The following ZNF385D variants were observed in gnomAD, a reference collection of about 807,000 sequenced individuals.
The protein encoded by ZNF385D is zinc finger protein 659.
ZNF385D carries 15 observed loss-of-function variants against 35.8 expected under a neutral mutation model. The observed-to-expected ratio is 0.42, with a 90% CI of 0.28 to 0.64. The LOEUF (loss-of-function observed/expected upper bound fraction) is 0.64, where lower values mean the gene tolerates loss of function less well. Among genes scored for constraint, ZNF385D ranks in the 30% least tolerant of loss-of-function variants. The pLI is 0.23. For missense variants in ZNF385D, 474 were observed against 494.6 expected (o/e 0.96, Z 0.39); for synonymous variants, 212 against 186.8 (o/e 1.13, Z -1.10).
In ZNF385D at chr3:22,096,897, G is replaced by C. The variant is rs530842514; in HGVS notation, c.325+71920C>G. ...TGATTTGTGACTGATTGACCAAAAA[G>C]ACACAGCTGAAATGACCTAATGTCA... On this transcript the variant is annotated intron_variant, in intron 3 of 5. Transcript: ENST00000494108. Among the ~76,000 whole-genome samples, 5 of 152,122 alleles carry C rather than the reference G, an allele frequency of 3.3e-5. No individual in the cohort carries two copies. In the South Asian group the frequency reaches 8.3e-4, roughly 25 times the overall value.
intron 3 of ZNF385D, among the ~76,000 whole-genome samples, chr3:22,143,979 T>C (rs1031173841): frequency 2.0e-5 from 3 of 152,328 alleles, no homozygotes; most frequent in African/African-American, 4.8e-5. Flanking sequence ...AAGTAAGTAT[T>C]GTCAGCTACA....
intron 3 of ZNF385D, among the ~76,000 whole-genome samples, chr3:21,998,665 C>G (rs1466966106): frequency 6.6e-6 from 1 of 152,130 alleles, no homozygotes; most frequent in African/African-American, 2.4e-5. Context: ...ATATTTTGAA[C>G]CTATGTTAAT....
chr3:22,142,590 A>C (rs945122272), intron 3 of ZNF385D, among the ~76,000 whole-genome samples: 1 of 152,128 alleles, frequency 6.6e-6, no homozygotes, highest in South Asian at 2.1e-4. Context: ...GGTGGTCTCC[A>C]ACCCGAGAAA....
intron 4 of ZNF385D, among the ~76,000 whole-genome samples, chr3:21,464,758 A>ACACACACACACACACACACT (rs1265231237): frequency 2.6e-5 from 4 of 152,152 alleles, no homozygotes; most frequent in African/African-American, 9.7e-5. Flanking sequence ...ACACACACAC[A>ACACACACACACACACACACT]CTTATGCAAC....
At chr3:21,895,443 C>A (rs1490795722) in intron 3 of ZNF385D, among the ~76,000 whole-genome samples, 2 of 149,670 alleles carry the variant, frequency 1.3e-5, no homozygotes, top group Admixed American at 1.3e-4. Flanking sequence ...TCTCCTGCCT[C>A]AGCCTCCTGA....
At chr3:22,118,999 T>C (rs888044421) in intron 3 of ZNF385D, among the ~76,000 whole-genome samples, 1 of 152,134 alleles carries the variant, frequency 6.6e-6, no homozygotes, top group Non-Finnish European at 1.5e-5. Flanking sequence ...TCACCTGCTA[T>C]TGTACTGTTT....
At chr3:21,854,721 A>C (rs1030488264) in intron 3 of ZNF385D, among the ~76,000 whole-genome samples, 1 of 151,872 alleles carries the variant, frequency 6.6e-6, no homozygotes, top group Non-Finnish European at 1.5e-5. Flanking sequence ...TTTCCATTTC[A>C]GTTCCCAGGG....
intron 3 of ZNF385D, among the ~76,000 whole-genome samples, chr3:22,048,469 C>A (rs1374965623): frequency 2.6e-5 from 4 of 152,090 alleles, no homozygotes; most frequent in Admixed American, 6.6e-5. Flanking sequence ...ATGTGAATGT[C>A]AAGTTTTCCC....
intron 2 of ZNF385D, among the ~76,000 whole-genome samples, chr3:22,346,490 T>A (rs1695665283): frequency 6.6e-6 from 1 of 152,204 alleles, no homozygotes; most frequent in Non-Finnish European, 1.5e-5. Flanking sequence ...TTTCATTTTA[T>A]CCCAAGAACA....
chr3:22,277,332 C>T (rs752135090), intron 2 of ZNF385D, among the ~76,000 whole-genome samples: 10 of 151,912 alleles, frequency 6.6e-5, no homozygotes, highest in Non-Finnish European at 1.3e-4. Context: ...AAAAGAATCC[C>T]TAGACACAAC....
chr3:22,103,334 A>T (rs1299720039), intron 3 of ZNF385D, among the ~76,000 whole-genome samples: 1 of 151,944 alleles, frequency 6.6e-6, no homozygotes, highest in Non-Finnish European at 1.5e-5. Flanking sequence ...AAACACAGTA[A>T]TTTTTCAGTC....
Position 21,941,335 on chromosome 3 carries a change from G to GAGT in ZNF385D, c.325+227479_325+227481dup, listed in dbSNP as rs1194149228. Among the ~76,000 whole-genome samples, 26 of 152,064 alleles carry GAGT rather than the reference G, an allele frequency of 1.7e-4. 1 individual carries two copies. The highest frequency in any genetic ancestry group is 9.8e-4 in the Admixed American group (15 of 15,266). On this transcript the variant is annotated intron_variant, in intron 3 of 5. Coordinates refer to the ZNF385D transcript ENST00000494108. ...CAAAAATATTATCTATTTGGAAATAGAGTAGTAGTATATGTATGCACTAAG... is the reference window on the plus strand; with the variant it reads ...CAAAAATATTATCTATTTGGAAATAGAGTAGTAGTAGTATATGTATGCACTAAG...
intron 3 of ZNF385D, among the ~76,000 whole-genome samples, chr3:22,159,460 G>C (rs1214443159): frequency 1.3e-5 from 2 of 151,996 alleles, no homozygotes; most frequent in Non-Finnish European, 2.9e-5. Context: ...TGGATTATCA[G>C]GCTCAGGTTG....
intron 3 of ZNF385D, among the ~76,000 whole-genome samples, chr3:21,773,527 A>G (rs1468847226): frequency 2.6e-5 from 4 of 151,982 alleles, no homozygotes. Context: ...CCATCTGACA[A>G]AAGTCTAATA....
At chr3:22,086,221 A>G (rs535640237) in intron 3 of ZNF385D, among the ~76,000 whole-genome samples, 115 of 152,322 alleles carry the variant, frequency 7.5e-4, no homozygotes, top group African/African-American at 2.5e-3. Flanking sequence ...GGCAAGAGAA[A>G]GAAATAAAGG....
chr3:22,108,788 G>A (rs1163641901), intron 3 of ZNF385D, among the ~76,000 whole-genome samples: 1 of 152,112 alleles, frequency 6.6e-6, no homozygotes, highest in Admixed American at 6.5e-5. Flanking sequence ...TGAGATGGGT[G>A]GATCACTTGA....
chr3:22,313,526 G>C (rs558638883), intron 2 of ZNF385D, among the ~76,000 whole-genome samples: 1 of 152,154 alleles, frequency 6.6e-6, no homozygotes, highest in South Asian at 2.1e-4. Flanking sequence ...ATATGGTGTA[G>C]ATGTCACATT....
At chr3:21,424,323 T>TATATATATATA (rs1700906373) in intron 6 of ZNF385D, among the ~76,000 whole-genome samples, 1 of 49,156 alleles carries the variant, frequency 2.0e-5, no homozygotes, top group African/African-American at 6.2e-5. Flanking sequence ...ATATATTTTT[T>TATATATATATA]TTTTTTTTTG....
At chr3:21,661,744 G>T (rs2066242930) in intron 2 of ZNF385D, among the ~76,000 whole-genome samples, 2 of 152,078 alleles carry the variant, frequency 1.3e-5, no homozygotes, top group Admixed American at 1.3e-4. Flanking sequence ...TTGGCTTTGA[G>T]GAGACTAAGG....
Sources: allele counts gnomAD v4.1 joint callset (sites outside exome capture counted in the v4.1 genomes callset), GRCh38; gene constraint gnomAD v4.1.1; transcripts MANE v1.5; gene names NCBI Gene and HGNC (gene_info 2026-07-23, HGNC 2026-07-21).